Variants in PGCKA1 observed in about 807,000 individuals in gnomAD.
The protein encoded by PGCKA1 is PDCD10 and GCKIII kinases-associated protein 1.
At chr4:37,484,112 A>G in the PGCKA1 span, among the ~76,000 whole-genome samples, 2 of 152,166 alleles carry the variant, frequency 1.3e-5, no homozygotes, top group African/African-American at 4.8e-5. Context: ...CGAAATTTAT[A>G]TGTTGAAATC....
chr4:37,522,443 T>A, the PGCKA1 span, among the ~76,000 whole-genome samples: 1 of 152,096 alleles, frequency 6.6e-6, no homozygotes, highest in Admixed American at 6.5e-5. Flanking sequence ...TTGTGGTGAA[T>A]GCTACCTGTC....
At chr4:37,576,914 G>C in the PGCKA1 span, among the ~76,000 whole-genome samples, 2 of 151,988 alleles carry the variant, frequency 1.3e-5, no homozygotes, top group Non-Finnish European at 2.9e-5. Context: ...TCCATCCCTG[G>C]GATAAATCCC....
chr4:37,525,908 T>C, the PGCKA1 span, among the ~76,000 whole-genome samples: 1 of 152,246 alleles, frequency 6.6e-6, no homozygotes, highest in African/African-American at 2.4e-5. Context: ...TCTTAATCAA[T>C]GGACAGTGGA....
At chr4:37,506,077 T>C in the PGCKA1 span, among the ~76,000 whole-genome samples, 1 of 152,242 alleles carries the variant, frequency 6.6e-6, no homozygotes, top group Non-Finnish European at 1.5e-5. Context: ...TGGCATATAG[T>C]TGCTAATAGT....
the PGCKA1 span, among the ~76,000 whole-genome samples, chr4:37,470,185 A>G: frequency 6.6e-6 from 1 of 152,178 alleles, no homozygotes; most frequent in African/African-American, 2.4e-5. Context: ...ACAGATTAGT[A>G]CTTTCTAGCC....
the PGCKA1 span, among the ~76,000 whole-genome samples, chr4:37,504,054 T>C: frequency 6.6e-6 from 1 of 152,204 alleles, no homozygotes; most frequent in African/African-American, 2.4e-5. Context: ...CCCAATGTTT[T>C]CTTATAGTAG....
chr4:37,572,596 C>T, the PGCKA1 span, among the ~76,000 whole-genome samples: 1 of 152,032 alleles, frequency 6.6e-6, no homozygotes, highest in Non-Finnish European at 1.5e-5. Flanking sequence ...TTTGATTATC[C>T]TCTATCCAAA....
chr4:37,523,801 G>T, the PGCKA1 span, among the ~76,000 whole-genome samples: 1 of 152,028 alleles, frequency 6.6e-6, no homozygotes, highest in Non-Finnish European at 1.5e-5. Context: ...ATCAGGGTGC[G>T]GGCCATCTTC....
chr4:37,560,977 G>A, the PGCKA1 span, among the ~76,000 whole-genome samples: 49 of 152,004 alleles, frequency 3.2e-4, no homozygotes, highest in Non-Finnish European at 6.6e-4. Context: ...TCTCAGCCAA[G>A]CTCCCTAAGA....
chr4:37,524,919 G>C, the PGCKA1 span, among the ~76,000 whole-genome samples: 1 of 152,138 alleles, frequency 6.6e-6, no homozygotes, highest in Admixed American at 6.5e-5. Flanking sequence ...CTAGAAAAGG[G>C]AAGGGAAGGG....
At chr4:37,519,847 G>A in the PGCKA1 span, among the ~76,000 whole-genome samples, 1 of 152,120 alleles carries the variant, frequency 6.6e-6, no homozygotes, top group Admixed American at 6.5e-5. Flanking sequence ...CCAGTTCTTA[G>A]AAGAAAGGCT....
chr4:37,485,027 T>C, the PGCKA1 span, among the ~76,000 whole-genome samples: 11 of 152,342 alleles, frequency 7.2e-5, no homozygotes, highest in Non-Finnish European at 1.0e-4. Flanking sequence ...TTATTTATTA[T>C]GTTGCATGCT....
the PGCKA1 span, among the ~76,000 whole-genome samples, chr4:37,547,233 A>G: frequency 6.6e-6 from 1 of 152,190 alleles, no homozygotes; most frequent in Non-Finnish European, 1.5e-5. Context: ...GTGTGCCTCT[A>G]CCGGCACTTT....
the PGCKA1 span, among the ~76,000 whole-genome samples, chr4:37,464,311 T>C: frequency 5.8e-3 from 882 of 152,342 alleles, 7 homozygotes; most frequent in African/African-American, 0.02. Flanking sequence ...GGTTTGAATT[T>C]TGGCTCTGCC....
At chr4:37,562,922 A>G in the PGCKA1 span, among the ~76,000 whole-genome samples, 1 of 152,224 alleles carries the variant, frequency 6.6e-6, no homozygotes, top group Non-Finnish European at 1.5e-5. Context: ...CTTAGCAATT[A>G]GCAGAGTGTC....
chr4:37,562,299 G>T, the PGCKA1 span, among the ~76,000 whole-genome samples: 1 of 152,062 alleles, frequency 6.6e-6, no homozygotes, highest in Non-Finnish European at 1.5e-5. Context: ...AAAGCATATC[G>T]ATGAACACCA....
At chr4:37,537,686 C>T in the PGCKA1 span, among the ~76,000 whole-genome samples, 1 of 152,268 alleles carries the variant, frequency 6.6e-6, no homozygotes, top group African/African-American at 2.4e-5. Context: ...ATTCAACTTC[C>T]TGTGTCTCAC....
the PGCKA1 span, among the ~76,000 whole-genome samples, chr4:37,570,146 A>ATTT: frequency 4.1e-3 from 325 of 78,914 alleles, 9 homozygotes; most frequent in East Asian, 0.018. Flanking sequence ...CGCCTGGCTA[A>ATTT]TTTTTTTTTT....
the PGCKA1 span, among the ~76,000 whole-genome samples, chr4:37,461,347 T>A: frequency 2.0e-5 from 3 of 152,172 alleles, no homozygotes; most frequent in African/African-American, 7.2e-5. Flanking sequence ...TTTTCTAATT[T>A]TGTGAATAAT....
Sources: allele counts gnomAD v4.1 joint callset (sites outside exome capture counted in the v4.1 genomes callset), GRCh38; gene constraint gnomAD v4.1.1; transcripts MANE v1.5; gene names NCBI Gene and HGNC (gene_info 2026-07-23, HGNC 2026-07-21).